LILRB1: variants seen among roughly 807,000 people sequenced by gnomAD.
LILRB1 encodes leukocyte immunoglobulin like receptor B1, also known as leukocyte immunoglobulin-like receptor subfamily B member 1.
LILRB1 carries 59 observed loss-of-function variants against 74.6 expected under a neutral mutation model. The observed-to-expected ratio is 0.79, with a 90% CI of 0.64 to 0.98. LILRB1 has a LOEUF of 0.98. Ranked by LOEUF, LILRB1 falls within the 50% of genes least tolerant of loss-of-function variation. LILRB1 has a pLI of 0.00. For missense variants in LILRB1, 804 were observed against 822.6 expected, an observed-to-expected ratio of 0.98 and a Z score of 0.28; for synonymous variants, 328 against 333.9, an observed-to-expected ratio of 0.98 and a Z score of 0.19.
chr19:54,623,781 C>T (rs2063511435), intron 1 of LILRB1, among the ~76,000 whole-genome samples: 1 of 152,228 alleles, frequency 6.6e-6, no homozygotes. Flanking sequence ...GATTCCTTCT[C>T]TTCTGGAGAG....
At chr19:54,632,883 CAG>C (rs1479378365) in intron 6 of LILRB1, 123 bp downstream of exon 6, 10 of 1,541,896 alleles carry the variant, frequency 6.5e-6, no homozygotes, top group African/African-American at 2.8e-5. Context: ...CAGACAGAGA[CAG>C]GGGATGGGCG....
Position 54,631,120 on chromosome 19 carries a change from G to A in LILRB1, c.34+13G>A, listed in dbSNP as rs950788726. On this transcript the variant is annotated intron_variant, in intron 2 of 14. Coordinates refer to ENST00000324602, the MANE Select transcript of LILRB1 (RefSeq NM_001081637.3). Reference sequence around the variant, plus strand: ...CTGATCTGTCTCGGTGAGATTTGAAGAAGGAGGGGAGCTTCTAACCTAAGA... The same window carrying A: ...CTGATCTGTCTCGGTGAGATTTGAAAAAGGAGGGGAGCTTCTAACCTAAGA... The A allele has an allele frequency of 2.0e-5, 32 of 1,613,460 alleles. No homozygotes were observed. The highest frequency in any genetic ancestry group is 2.5e-5 in the Non-Finnish European group (30 of 1,179,858).
In LILRB1 at chr19:54,637,235, A is replaced by G; in HGVS notation, c.*357A>G. ...AAATGAATGATCTTGGCTTTCCTAT[A>G]AGAAATTTAGGGCAGGGCACGGTGG... On this transcript the variant is annotated 3_prime_UTR_variant, in exon 15 of 15. Transcript: ENST00000324602. The G allele has an allele frequency of 4.3e-6, 1 of 232,140 alleles. No individual in the cohort carries two copies. Among genetic ancestry groups the G allele is most frequent in the South Asian group, 8.0e-5 (1 of 12,568 alleles). The allele number at this position is 232,140 out of a possible 1,614,324, so 14.4% of individuals were successfully genotyped here. A position where few individuals can be genotyped will look rare whatever the true frequency, so the allele number is the denominator to read the frequency against.
chr19:54,633,070 C>T lies in LILRB1; in HGVS notation c.1013C>T (p.Ser338Leu), dbSNP rs76710074. 700 of 1,614,192 alleles carry T rather than the reference C, an allele frequency of 4.3e-4. No homozygotes were observed. In the African/African-American group the frequency reaches 8.6e-3, roughly 20 times the overall value. ...GTGCAGCCGGGCCCCACGGTGGCCT[C>T]AGGAGAGAACGTGACCCTGCTGTGT... is the stretch of plus-strand genomic sequence containing the variant. ...LSVQPGPTVA[S>L]GENVTLLCQS... The change falls in exon 7 of 15, where the codon TCA (serine) becomes TTA (leucine). Residue 338 changes from serine (S) to leucine (L), a missense_variant. Ser to Leu is a moderately radical substitution (Grantham distance 145). Coordinates refer to ENST00000324602, the MANE Select transcript of LILRB1 (RefSeq NM_001081637.3).
chr19:54,626,850 C>T (rs758359995), upstream of LILRB1, among the ~76,000 whole-genome samples: 13 of 151,374 alleles, frequency 8.6e-5, no homozygotes, highest in Non-Finnish European at 1.5e-4. Flanking sequence ...GGTGTCCATG[C>T]TGCCAAGCTT....
At chr19:54,617,999 A>T (rs1474217937) in intron 1 of LILRB1, among the ~76,000 whole-genome samples, 23 of 151,432 alleles carry the variant, frequency 1.5e-4, no homozygotes. Context: ...TACTTGGGAG[A>T]CTGAGACAGG....
intron 7 of LILRB1, 111 bp from the exon 8 acceptor site, chr19:54,633,527 G>T (rs2064105213): frequency 8.1e-7 from 1 of 1,235,590 alleles, no homozygotes; most frequent in East Asian, 2.6e-5. Context: ...GGAGAGGCGG[G>T]TGGAGGGAGG....
At chr19:54,630,792 T>G (rs1443055467) in intron 1 of LILRB1, 159 bp downstream of exon 1, 1 of 742,834 alleles carries the variant, frequency 1.3e-6, no homozygotes, top group Non-Finnish European at 2.3e-6. Flanking sequence ...TGGCTCTCAG[T>G]GGGATGAAAA....
At chr19:54,636,679 AG>A (rs2064457673) in intron 14 of LILRB1, 27 bp downstream of exon 14, 2 of 1,491,194 alleles carry the variant, frequency 1.3e-6, no homozygotes, top group African/African-American at 3.3e-5. Flanking sequence ...CCAGGCCCCC[AG>A]GCCTCCCCCA....
intron 1 of LILRB1, among the ~76,000 whole-genome samples, chr19:54,618,915 G>A (rs1018134358): frequency 2.0e-5 from 3 of 151,986 alleles, no homozygotes. Flanking sequence ...AAATGCAATG[G>A]AATAAATGCC....
At position 54,634,902 on chromosome 19, in the gene LILRB1, C is replaced by T. The variant is rs1191743658; in HGVS notation, c.1486+139C>T. 10 of 1,496,938 alleles carry T rather than the reference C, an allele frequency of 6.7e-6. No individual in the cohort carries two copies. The Admixed American group carries it at 8.0e-5, about 12-fold the overall frequency. The allele number at this position is 1,496,938 out of a possible 1,614,324, so 92.7% of individuals were successfully genotyped here. On this transcript the variant is annotated intron_variant, in intron 10 of 14. Transcript: ENST00000324602. Reference sequence around the variant, plus strand: ...CTCACCAGGCCAATCGACAGTCAGTCCCATCTACAAATGTAAAGTGTCCTT... The same window carrying T: ...CTCACCAGGCCAATCGACAGTCAGTTCCATCTACAAATGTAAAGTGTCCTT...
chr19:54,629,994 C>G (rs1373926492), upstream of LILRB1, among the ~76,000 whole-genome samples: 1 of 152,116 alleles, frequency 6.6e-6, no homozygotes, highest in Non-Finnish European at 1.5e-5. Flanking sequence ...GAGTCCAACG[C>G]CAAGATCCTC....
chr19:54,624,801 C>T (rs180699972), intron 1 of LILRB1, among the ~76,000 whole-genome samples: 1 of 152,174 alleles, frequency 6.6e-6, no homozygotes, highest in Admixed American at 6.5e-5. Context: ...AACCCTCAGG[C>T]GGGGCAGGCA....
Position 54,631,079 on chromosome 19 carries a change from C to A in LILRB1, c.6C>A (p.Thr2=). Residue 2 remains threonine, a synonymous_variant, in exon 2 of 15, where the codon ACC becomes ACA. Coordinates refer to ENST00000324602, the MANE Select transcript of LILRB1 (RefSeq NM_001081637.3). ...GGGCAGTGGGAGGAGACGCCATGAC[C>A]CCCATCCTCACGGTCCTGATCTGTC... M[T]PILTVLICLG... is the part of the protein sequence containing the mutation. The A allele has an allele frequency of 6.2e-7, 1 of 1,614,192 alleles. No homozygotes were observed. Among genetic ancestry groups the A allele is most frequent in the Non-Finnish European group, 8.5e-7 (1 of 1,180,028 alleles).
chr19:54,636,799 A>T lies in LILRB1; in HGVS notation c.1880A>T (p.Glu627Val), dbSNP rs1411283200. The T allele has an allele frequency of 1.5e-5, 24 of 1,612,718 alleles. No homozygotes were observed. The highest frequency in any genetic ancestry group is 1.9e-5 in the Non-Finnish European group (22 of 1,179,368). The part of the protein sequence containing the change: ...AQLHSLTLRR[E>V]ATEPPPSQEG... ...CTGCACAGCTTGACCCTCAGACGGG[A>T]GGCAACTGAGCCTCCTCCATCCCAG... is the stretch of plus-strand genomic sequence containing the variant. The change falls in exon 15 of 15, where the codon GAG becomes GTG. Residue 627 changes from glutamate to valine, a missense_variant. Transcript: ENST00000324602.
In LILRB1 at chr19:54,632,647, T is replaced by G. The variant is rs1600374923; in HGVS notation, c.845T>G (p.Phe282Cys). The change falls in exon 6 of 15, where the codon TTC becomes TGC. Residue 282 changes from phenylalanine to cysteine, a missense_variant. Phe to Cys is a radical substitution (Grantham distance 205). Coordinates refer to ENST00000324602, the MANE Select transcript of LILRB1 (RefSeq NM_001081637.3). ...QPQAGLSQAN[F>C]TLGPVSRSYG... is the part of the protein sequence containing the mutation. ...CAGGCTGGGCTCTCCCAGGCCAACT[T>G]CACCCTGGGCCCTGTGAGCCGCTCC... 2 of 1,613,894 alleles carry G rather than the reference T, an allele frequency of 1.2e-6. No individual in the cohort carries two copies. The highest frequency in any genetic ancestry group is 4.5e-5 in the East Asian group (2 of 44,872).
upstream of LILRB1, among the ~76,000 whole-genome samples, chr19:54,628,747 C>T (rs2146214968): frequency 2.0e-5 from 3 of 152,110 alleles, 1 homozygote; most frequent in Admixed American, 2.0e-4. Context: ...TTCATGATGT[C>T]AGTATTTCCT....
At chr19:54,619,083 T>C (rs1359705510) in intron 1 of LILRB1, among the ~76,000 whole-genome samples, 1 of 152,136 alleles carries the variant, frequency 6.6e-6, no homozygotes, top group Admixed American at 6.5e-5. Flanking sequence ...ATTCAAAGCT[T>C]TTTTAAAAGT....
rs1053881288 is a variant in LILRB1 at position 54,635,619 on chromosome 19, C to T, written c.1653+10C>T. On this transcript the variant is annotated intron_variant, in intron 13 of 14. Transcript: ENST00000324602. Reference sequence around the variant, plus strand: ...GGAGATGGACACTCGGGTGAGACCCCACCCCTGTCCCAGGCACCAAAGGCC... The same window carrying T: ...GGAGATGGACACTCGGGTGAGACCCTACCCCTGTCCCAGGCACCAAAGGCC... 2.0e-5 allele frequency: 32 copies of T among 1,613,810 alleles called. No individual in the cohort carries two copies. Among genetic ancestry groups the T allele is most frequent in the Admixed American group, 6.7e-5 (4 of 60,006 alleles).
Sources: gnomAD v4.1 joint callset for allele counts (sites outside exome capture counted in the v4.1 genomes callset) on GRCh38, gnomAD v4.1.1 for gene constraint, MANE v1.5 for transcripts, NCBI Gene and HGNC (gene_info 2026-07-23, HGNC 2026-07-21) for gene names.